DDAH1: variants seen among roughly 807,000 people sequenced by gnomAD.
The protein encoded by DDAH1 is dimethylarginine dimethylaminohydrolase 1, also known as N(G),N(G)-dimethylarginine dimethylaminohydrolase 1.
In DDAH1, 19 loss-of-function variants were observed where a neutral mutation model predicts 28.8. The ratio of observed to expected loss-of-function variants is 0.66; its 90% confidence interval spans 0.46 to 0.97. The LOEUF is 0.97. Ranked by LOEUF, DDAH1 falls within the 50% of genes least tolerant of loss-of-function variation. The pLI, the probability that DDAH1 is intolerant of heterozygous loss-of-function variation, is 0.00. For synonymous variants in DDAH1, 153 were observed against 154.4 expected (o/e 0.99, Z 0.07); for missense variants, 326 against 375.9 (o/e 0.87, Z 1.10).
At chr1:85,556,048 G>A (rs527417264) in intron 1 of DDAH1, among the ~76,000 whole-genome samples, 2 of 152,016 alleles carry the variant, frequency 1.3e-5, no homozygotes, top group East Asian at 3.9e-4. Flanking sequence ...ACAGGCTGGG[G>A]AGTGCGGCCA....
rs75304986 is a variant in DDAH1 at position 85,374,414 on chromosome 1, T to G, written c.304-15567A>C. 2.1e-3 allele frequency among the ~76,000 whole-genome samples: 321 copies of G among 152,282 alleles called. 8 individuals are homozygous for G. The East Asian group carries it at 0.057, about 27-fold the overall frequency. On this transcript the variant is annotated intron_variant, in intron 1 of 5. Coordinates refer to ENST00000284031, the MANE Select transcript of DDAH1 (RefSeq NM_012137.4). ...CCTACCTAACCTGTTAGTCACCAGC[T>G]GCTAATCCTCTGTATCTCCCAGACA...
intron 1 of DDAH1, among the ~76,000 whole-genome samples, chr1:85,547,254 T>C (rs1658654694): frequency 6.6e-6 from 1 of 152,198 alleles, no homozygotes; most frequent in African/African-American, 2.4e-5. Context: ...CAGAGGGCTG[T>C]GTAAGCATTC....
intron 1 of DDAH1, among the ~76,000 whole-genome samples, chr1:85,415,333 T>C (rs547485135): frequency 6.6e-6 from 1 of 152,288 alleles, no homozygotes; most frequent in East Asian, 1.9e-4. Flanking sequence ...CTTTTACCCA[T>C]TGCTTGTGAG....
chr1:85,471,437 C>CTTA (rs1655619187), intron 2 of DDAH1, among the ~76,000 whole-genome samples: 1 of 152,226 alleles, frequency 6.6e-6, no homozygotes, highest in Non-Finnish European at 1.5e-5. Flanking sequence ...AGGGCCCTCA[C>CTTA]TTATAACTCA....
At chr1:85,390,919 G>C (rs1651517064) in intron 1 of DDAH1, among the ~76,000 whole-genome samples, 1 of 152,038 alleles carries the variant, frequency 6.6e-6, no homozygotes, top group South Asian at 2.1e-4. Context: ...AGATGAACAA[G>C]ACCATTCATA....
At chr1:85,510,086 G>C (rs991497885) in intron 1 of DDAH1, among the ~76,000 whole-genome samples, 1 of 152,122 alleles carries the variant, frequency 6.6e-6, no homozygotes, top group African/African-American at 2.4e-5. Context: ...AAAGTGTTAA[G>C]GGCAGCCGAA....
chr1:85,461,221 A>G (rs485928), intron 1 of DDAH1, among the ~76,000 whole-genome samples: 1 of 142,110 alleles, frequency 7.0e-6, no homozygotes, highest in African/African-American at 2.5e-5. Context: ...AGTATTAAAC[A>G]TAAAAAATAC....
intron 4 of DDAH1, among the ~76,000 whole-genome samples, chr1:85,346,269 G>A (rs1467991486): frequency 6.6e-6 from 1 of 152,138 alleles, no homozygotes; most frequent in African/African-American, 2.4e-5. Context: ...AGATGCCCAA[G>A]TGACCAGGGA....
At position 85,517,169 on chromosome 1, in the gene DDAH1, TAGG is replaced by T. The variant is rs1388814734; in HGVS notation, c.-122-20891_-122-20889del. ...AGGTACATAGTAAGTGTTCAATAAA[TAGG>T]AGGTGTTATTATTCATCATAACACT... On this transcript the variant is annotated intron_variant, in intron 1 of 6. Transcript: ENST00000426972. Among the ~76,000 whole-genome samples, 3 of 151,898 alleles carry T rather than the reference TAGG, an allele frequency of 2.0e-5. No homozygotes were observed. In the East Asian group the frequency reaches 5.8e-4, roughly 29 times the overall value.
At chr1:85,571,148 C>T (rs533179523) in intron 1 of DDAH1, among the ~76,000 whole-genome samples, 3 of 152,266 alleles carry the variant, frequency 2.0e-5, no homozygotes, top group South Asian at 2.1e-4. Flanking sequence ...TGGCCCATGG[C>T]GGTGCCCTGT....
At chr1:85,558,545 T>G (rs1316162494) in intron 1 of DDAH1, among the ~76,000 whole-genome samples, 6 of 152,174 alleles carry the variant, frequency 3.9e-5, no homozygotes, top group African/African-American at 7.2e-5. Context: ...AAAAAGTGAC[T>G]CCAGTTCTAG....
intron 2 of DDAH1, among the ~76,000 whole-genome samples, chr1:85,492,952 A>G (rs2100730234): frequency 6.6e-6 from 1 of 152,284 alleles, no homozygotes; most frequent in African/African-American, 2.4e-5. Context: ...AGAATCTAGC[A>G]TAGATAAAAC....
chr1:85,365,963 T>C (rs1650053034), intron 1 of DDAH1, among the ~76,000 whole-genome samples: 1 of 151,980 alleles, frequency 6.6e-6, no homozygotes, highest in African/African-American at 2.4e-5. Context: ...GGTTTAAAGG[T>C]TAGAGACAAA....
chr1:85,376,110 T>C (rs1249299375), intron 1 of DDAH1, among the ~76,000 whole-genome samples: 1 of 152,176 alleles, frequency 6.6e-6, no homozygotes, highest in East Asian at 1.9e-4. Flanking sequence ...TGGAACCTTA[T>C]AAATCTTAAG....
chr1:85,475,623 T>C (rs978788835), intron 2 of DDAH1, among the ~76,000 whole-genome samples: 1 of 152,220 alleles, frequency 6.6e-6, no homozygotes, highest in Non-Finnish European at 1.5e-5. Context: ...AAATAGATCA[T>C]GTAAACACTG....
chr1:85,347,443 A>C (rs1305421499), intron 4 of DDAH1, among the ~76,000 whole-genome samples: 7 of 152,226 alleles, frequency 4.6e-5, no homozygotes, highest in African/African-American at 1.7e-4. Context: ...GCCATAAAAA[A>C]GGATGAGTTC....
intron 1 of DDAH1, among the ~76,000 whole-genome samples, chr1:85,425,793 G>A (rs1653366525): frequency 6.6e-6 from 1 of 152,162 alleles, no homozygotes; most frequent in African/African-American, 2.4e-5. Context: ...AGCTGTCTGA[G>A]TTCAAATCTT....
intron 2 of DDAH1, among the ~76,000 whole-genome samples, chr1:85,475,775 G>C (rs1655777852): frequency 6.6e-6 from 1 of 152,142 alleles, no homozygotes. Flanking sequence ...GTGGCTTTAT[G>C]GAGAAAGCCT....
intron 1 of DDAH1, among the ~76,000 whole-genome samples, chr1:85,563,615 G>A (rs1659201958): frequency 6.6e-6 from 1 of 152,174 alleles, no homozygotes; most frequent in Non-Finnish European, 1.5e-5. Flanking sequence ...CGACAAGGTA[G>A]AATTCACAAT....
Sources: gnomAD v4.1 joint callset for allele counts (sites outside exome capture counted in the v4.1 genomes callset) on GRCh38, gnomAD v4.1.1 for gene constraint, MANE v1.5 for transcripts, NCBI Gene and HGNC (gene_info 2026-07-23, HGNC 2026-07-21) for gene names.